ITPR1: variants seen among roughly 807,000 people sequenced by gnomAD.
ITPR1 encodes inositol 1,4,5-trisphosphate-gated calcium channel ITPR1.
A neutral mutation model predicts 318.4 loss-of-function variants in ITPR1; 96 were observed. That is an observed-to-expected ratio of 0.30 (90% CI 0.26 to 0.36). The LOEUF (loss-of-function observed/expected upper bound fraction) is 0.36, where lower values mean the gene tolerates loss of function less well. Ranked by LOEUF, ITPR1 falls within the 10% of genes least tolerant of loss-of-function variation. The pLI is 1.00. For missense variants in ITPR1, 2,440 were observed against 3,460.2 expected (o/e 0.71, Z 7.40); for synonymous variants, 1,312 against 1,289.9 (o/e 1.02, Z -0.37).
At chr3:4,689,094 T>G (rs1312514236) in intron 31 of ITPR1, among the ~76,000 whole-genome samples, 1 of 152,232 alleles carries the variant, frequency 6.6e-6, no homozygotes, top group African/African-American at 2.4e-5. Context: ...GATGCCACAC[T>G]CTATGCATTG....
At chr3:4,820,841 G>A (rs1482265387) in intron 60 of ITPR1, among the ~76,000 whole-genome samples, 1 of 152,194 alleles carries the variant, frequency 6.6e-6, no homozygotes, top group African/African-American at 2.4e-5. Flanking sequence ...ACTCCTAAGG[G>A]AGCATTAGCC....
At chr3:4,651,946 G>A (rs1186021565) in intron 10 of ITPR1, among the ~76,000 whole-genome samples, 177 bp from the exon 11 acceptor site, 1 of 152,238 alleles carries the variant, frequency 6.6e-6, no homozygotes. Flanking sequence ...GAGAGACACT[G>A]CTTACTTTTC....
At chr3:4,639,614 T>A (rs1029140347) in intron 6 of ITPR1, 144 bp downstream of exon 6, 2 of 656,428 alleles carry the variant, frequency 3.0e-6, no homozygotes, top group Non-Finnish European at 5.4e-6. Flanking sequence ...GTCTAGTGTT[T>A]CTTGTTAGAT....
At chr3:4,615,426 G>C (rs995647282) in intron 4 of ITPR1, among the ~76,000 whole-genome samples, 1 of 149,076 alleles carries the variant, frequency 6.7e-6, no homozygotes, top group African/African-American at 2.5e-5. Context: ...GCCCAGGCTG[G>C]AGTGCAATGG....
In ITPR1 at chr3:4,514,125, A is replaced by G. The variant is rs184724484; in HGVS notation, c.-16-2351A>G. Among the ~76,000 whole-genome samples the G allele has an allele frequency of 3.1e-3, 473 of 151,910 alleles. 3 individuals carry two copies. Among genetic ancestry groups the G allele is most frequent in the African/African-American group, 0.011 (443 of 41,440 alleles). On this transcript the variant is annotated intron_variant, in intron 2 of 61. Transcript: ENST00000649015. ...AGTCTGATAGACCTGGGTTGTAACA[A>G]CCCTGGTCCTCCTGCTTACTAATTT...
intron 4 of ITPR1, among the ~76,000 whole-genome samples, chr3:4,608,056 T>C (rs999555717): frequency 2.0e-5 from 3 of 152,106 alleles, no homozygotes; most frequent in Admixed American, 6.5e-5. Context: ...TCTCCCAAAG[T>C]TAGCTTTGCC....
At chr3:4,645,991 C>G (rs2093447324) in intron 10 of ITPR1, 1 of 398,422 alleles carries the variant, frequency 2.5e-6, no homozygotes, top group Admixed American at 3.9e-5. Flanking sequence ...TATCATGGTG[C>G]TGCATATTTG....
In ITPR1 at chr3:4,607,024, T is replaced by C. The variant is rs74545788; in HGVS notation, c.164-20739T>C. ...GGCCACGTGAGAAGTCTGACATTCC[T>C]GGCTAATATTCTTTCTACCACACCA... On this transcript the variant is annotated intron_variant, in intron 4 of 61. Transcript: ENST00000649015. Among the ~76,000 whole-genome samples the C allele has an allele frequency of 7.2e-3, 1,101 of 152,318 alleles. 14 individuals are homozygous for C. Among genetic ancestry groups the C allele is most frequent in the African/African-American group, 0.024 (1,001 of 41,584 alleles).
intron 44 of ITPR1, among the ~76,000 whole-genome samples, chr3:4,736,407 C>T (rs941785874): frequency 3.3e-5 from 5 of 152,244 alleles, no homozygotes; most frequent in Admixed American, 2.0e-4. Flanking sequence ...TTGGCAGGTG[C>T]AGCACAGGTG....
intron 44 of ITPR1, among the ~76,000 whole-genome samples, chr3:4,737,528 G>C (rs916132189): frequency 6.6e-5 from 10 of 152,206 alleles, no homozygotes; most frequent in African/African-American, 2.4e-4. Flanking sequence ...GGGTCTTTCA[G>C]ACCGAGGAGT....
chr3:4,565,909 G>A (rs2087196947), intron 4 of ITPR1, among the ~76,000 whole-genome samples: 1 of 152,138 alleles, frequency 6.6e-6, no homozygotes, highest in Non-Finnish European at 1.5e-5. Context: ...TGAGAACATT[G>A]GGCTGCAGTT....
chr3:4,535,362 G>C (rs898472008), intron 4 of ITPR1, among the ~76,000 whole-genome samples: 3 of 151,652 alleles, frequency 2.0e-5, no homozygotes, highest in Non-Finnish European at 4.4e-5. Flanking sequence ...TGTTGGGCTA[G>C]GATTCTGATA....
rs1334791444 is a variant in ITPR1, at chr3:4,609,087, TATAC to T, written c.164-18674_164-18671del. On this transcript the variant is annotated intron_variant, in intron 4 of 61. Transcript: ENST00000649015. ...ATATATATATATATATATATATATATATACACACACACGTATGTCAGTGGTGGTG... is the reference window on the plus strand; with the variant it reads ...ATATATATATATATATATATATATATACACACACGTATGTCAGTGGTGGTG... Among the ~76,000 whole-genome samples the T allele has an allele frequency of 3.3e-4, 32 of 96,906 alleles. 1 individual carries two copies. Among genetic ancestry groups the T allele is most frequent in the African/African-American group, 1.2e-3 (28 of 23,386 alleles). The allele number at this position is 96,906 out of a possible 152,430, so 63.6% of individuals were successfully genotyped here.
chr3:4,516,671 G>A (rs570325460), intron 3 of ITPR1, 88 bp downstream of exon 3: 12 of 842,638 alleles, frequency 1.4e-5, no homozygotes, highest in South Asian at 3.2e-5. Flanking sequence ...ACATAAGAAC[G>A]TCACCGTTTT....
chr3:4,843,344 T>C (rs973766230), intron 61 of ITPR1, among the ~76,000 whole-genome samples: 2 of 152,202 alleles, frequency 1.3e-5, no homozygotes, highest in African/African-American at 4.8e-5. Flanking sequence ...GTACACAAAT[T>C]ACTTTTTTTA....
chr3:4,735,064 G>A lies in ITPR1; in HGVS notation c.5354-100G>A, dbSNP rs545948858. On this transcript the variant is annotated intron_variant, in intron 43 of 61. Transcript: ENST00000649015. ...AAAGGGTTAAAAGAGATGAACATGG[G>A]TAAAGCATTTAGTGCATAAAGTGTT... The A allele has an allele frequency of 5.8e-6, 5 of 861,906 alleles. No homozygotes were observed. In the East Asian group the frequency reaches 1.3e-4, roughly 22 times the overall value. The allele number at this position is 861,906 out of a possible 1,614,324, so 53.4% of individuals were successfully genotyped here.
intron 4 of ITPR1, among the ~76,000 whole-genome samples, chr3:4,618,911 A>G (rs1269436173): frequency 6.6e-6 from 1 of 152,236 alleles, no homozygotes; most frequent in Non-Finnish European, 1.5e-5. Context: ...CCTCTTTGAT[A>G]AACAACCACA....
intron 6 of ITPR1, among the ~76,000 whole-genome samples, chr3:4,640,512 A>G (rs548364375): frequency 6.6e-6 from 1 of 152,334 alleles, no homozygotes; most frequent in South Asian, 2.1e-4. Flanking sequence ...CTTTATTACT[A>G]GGCCAGGCCA....
intron 23 of ITPR1, 34 bp downstream of exon 23, chr3:4,675,282 A>T: frequency 1.3e-6 from 2 of 1,510,820 alleles, no homozygotes; most frequent in South Asian, 1.2e-5. Context: ...CATCTGAGAG[A>T]TGCCCTCCAG....
Sources: gnomAD v4.1 joint callset for allele counts (sites outside exome capture counted in the v4.1 genomes callset) on GRCh38, gnomAD v4.1.1 for gene constraint, MANE v1.5 for transcripts, NCBI Gene and HGNC (gene_info 2026-07-23, HGNC 2026-07-21) for gene names.